The following KCNJ15 variants were observed in gnomAD, a reference collection of about 807,000 sequenced individuals.
KCNJ15 encodes ATP-sensitive inward rectifier potassium channel 15.
Under a neutral mutation model 23.0 loss-of-function variants are expected in KCNJ15, and 14 were observed. The ratio of observed to expected loss-of-function variants is 0.61; its 90% CI spans 0.40 to 0.95. The LOEUF is 0.95. KCNJ15 is among the 40% of genes least tolerant of loss of function. The pLI, the probability that KCNJ15 is intolerant of heterozygous loss-of-function variation, is 0.00. For missense variants in KCNJ15, 388 were observed against 461.8 expected (o/e 0.84, Z 1.46); for synonymous variants, 185 against 183.2 (o/e 1.01, Z -0.08).
chr21:38,238,514 G>A (rs1382412097), intron 1 of KCNJ15: 15 of 641,768 alleles, frequency 2.3e-5, no homozygotes, highest in East Asian at 3.5e-5. Flanking sequence ...GAGAGGGCAC[G>A]GACCATCTCC....
intron 1 of KCNJ15, among the ~76,000 whole-genome samples, chr21:38,271,003 A>T (rs369911245): frequency 6.6e-6 from 1 of 151,902 alleles, no homozygotes; most frequent in East Asian, 1.9e-4. Flanking sequence ...TGGCAACAAC[A>T]CTGATCTGGT....
intron 1 of KCNJ15, among the ~76,000 whole-genome samples, chr21:38,273,504 T>C (rs1168293835): frequency 1.3e-5 from 2 of 152,240 alleles, no homozygotes; most frequent in African/African-American, 4.8e-5. Flanking sequence ...AACCTATTCA[T>C]GTCTAATACT....
chr21:38,254,175 C>T (rs1018332859), upstream of KCNJ15, among the ~76,000 whole-genome samples: 22 of 152,186 alleles, frequency 1.4e-4, no homozygotes, highest in African/African-American at 5.1e-4. Context: ...ATACTTAGAT[C>T]ATTCAGTTGT....
At chr21:38,248,350 A>C (rs982894521) in intron 1 of KCNJ15, among the ~76,000 whole-genome samples, 4 of 152,258 alleles carry the variant, frequency 2.6e-5, no homozygotes, top group African/African-American at 9.6e-5. Context: ...TAAGTGGCAC[A>C]AACTTTATAG....
chr21:38,275,817 C>A (rs933135628), intron 1 of KCNJ15, among the ~76,000 whole-genome samples: 1 of 152,198 alleles, frequency 6.6e-6, no homozygotes, highest in African/African-American at 2.4e-5. Context: ...TTTGCCTGGG[C>A]AATTCCCCTT....
chr21:38,283,408 G>A (rs1771477545), intron 1 of KCNJ15, among the ~76,000 whole-genome samples: 1 of 152,176 alleles, frequency 6.6e-6, no homozygotes, highest in Non-Finnish European at 1.5e-5. Flanking sequence ...TACCTAGAGA[G>A]AGAAACAGAG....
chr21:38,298,492 T>G (rs1985402650), intron 2 of KCNJ15, among the ~76,000 whole-genome samples: 1 of 152,216 alleles, frequency 6.6e-6, no homozygotes, highest in African/African-American at 2.4e-5. Context: ...AAAGCCTAAT[T>G]ATTTGCTTTA....
At chr21:38,230,188 T>A (rs1007557046) in intron 1 of KCNJ15, among the ~76,000 whole-genome samples, 13 of 152,214 alleles carry the variant, frequency 8.5e-5, no homozygotes, top group Non-Finnish European at 1.6e-4. Context: ...TGCCAACACA[T>A]GTTATTATCT....
intron 1 of KCNJ15, among the ~76,000 whole-genome samples, chr21:38,246,083 T>C (rs1232831415): frequency 6.6e-6 from 1 of 152,244 alleles, no homozygotes; most frequent in African/African-American, 2.4e-5. Context: ...TGATAGTCAA[T>C]ATGCTATAAG....
intron 1 of KCNJ15, among the ~76,000 whole-genome samples, chr21:38,269,363 G>T (rs3787885): frequency 0.38 from 57,223 of 151,546 alleles, 12,284 homozygotes; most frequent in African/African-American, 0.59. Context: ...ACTCAAACTT[G>T]TATAAACAAG....
At chr21:38,234,269 T>C (rs182499438) in intron 1 of KCNJ15, among the ~76,000 whole-genome samples, 3 of 152,266 alleles carry the variant, frequency 2.0e-5, no homozygotes, top group East Asian at 1.9e-4. Context: ...ACATTGAGGG[T>C]TTCTTTTTTT....
intron 1 of KCNJ15, among the ~76,000 whole-genome samples, chr21:38,257,822 TG>T (rs1356080720): frequency 6.6e-6 from 1 of 152,248 alleles, no homozygotes; most frequent in Non-Finnish European, 1.5e-5. Flanking sequence ...AATGTTATAC[TG>T]GGTGAAATTT....
At chr21:38,274,133 A>G (rs771317185) in intron 1 of KCNJ15, among the ~76,000 whole-genome samples, 2 of 152,252 alleles carry the variant, frequency 1.3e-5, no homozygotes, top group Non-Finnish European at 2.9e-5. Flanking sequence ...CATATGCAGC[A>G]GTGCTTGCAG....
intron 1 of KCNJ15, among the ~76,000 whole-genome samples, chr21:38,281,949 TA>T (rs1983392750): frequency 6.6e-6 from 1 of 152,192 alleles, no homozygotes; most frequent in South Asian, 2.1e-4. Context: ...GACTTTTTAG[TA>T]ATAGCCATTC....
At chr21:38,283,154 G>A (rs1156948762) in intron 1 of KCNJ15, among the ~76,000 whole-genome samples, 2 of 151,740 alleles carry the variant, frequency 1.3e-5, no homozygotes, top group African/African-American at 4.9e-5. Context: ...ATCTCTGAGA[G>A]TAAATGATTT....
intron 1 of KCNJ15, among the ~76,000 whole-genome samples, chr21:38,234,685 G>A (rs1357198449): frequency 6.6e-6 from 1 of 152,162 alleles, no homozygotes; most frequent in African/African-American, 2.4e-5. Flanking sequence ...GAACCAACAT[G>A]AATATTGCAG....
rs535533812 is a variant in KCNJ15, at chr21:38,248,483, G to C, written c.-398-8563G>C. 1.8e-3 allele frequency among the ~76,000 whole-genome samples: 280 copies of C among 152,286 alleles called. 2 individuals are homozygous for C. Among genetic ancestry groups the C allele is most frequent in the African/African-American group, 6.4e-3 (266 of 41,548 alleles). ...AAACTATTTAACTATTCAAGTGGTT[G>C]GACAATAAAAGAACTAGAATAAGAC... On this transcript the variant is annotated intron_variant, in intron 1 of 4. Coordinates refer to the KCNJ15 transcript ENST00000547341.
At chr21:38,254,979 T>C (rs1031821059), upstream of KCNJ15, among the ~76,000 whole-genome samples, 1 of 152,238 alleles carries the variant, frequency 6.6e-6, no homozygotes, top group Non-Finnish European at 1.5e-5. Context: ...TTGACAAATA[T>C]GCATATTTTT....
rs138634305 is a variant in KCNJ15, at chr21:38,243,919, T to A, written c.-398-13127T>A. Among the ~76,000 whole-genome samples the A allele has an allele frequency of 2.2e-3, 338 of 152,368 alleles. 2 individuals are homozygous for A. Among genetic ancestry groups the A allele is most frequent in the African/African-American group, 7.4e-3 (306 of 41,580 alleles). ...TTATTGTCATAAAATAACCATTTTC[T>A]AAAAACGAACTCTTTGTTTCCACTG... On this transcript the variant is annotated intron_variant, in intron 1 of 4. Coordinates refer to the KCNJ15 transcript ENST00000547341.
Sources: gnomAD v4.1 joint callset for allele counts (sites outside exome capture counted in the v4.1 genomes callset) on GRCh38, gnomAD v4.1.1 for gene constraint, MANE v1.5 for transcripts, NCBI Gene and HGNC (gene_info 2026-07-23, HGNC 2026-07-21) for gene names.